Variants in SDHA observed in about 807,000 individuals in gnomAD.
The protein encoded by SDHA is succinate dehydrogenase complex flavoprotein subunit A.
In SDHA, 48 loss-of-function variants were observed where a neutral mutation model predicts 78.4. That is an observed-to-expected ratio of 0.61 (90% CI 0.49 to 0.78). SDHA has a LOEUF of 0.78. Ranked by LOEUF, SDHA falls within the 30% of genes least tolerant of loss-of-function variation. The pLI is 0.00. For missense variants in SDHA, 680 were observed against 892.7 expected, an observed-to-expected ratio of 0.76 and a Z score of 3.04; for synonymous variants, 326 against 353.9, an observed-to-expected ratio of 0.92 and a Z score of 0.88.
intron 5 of SDHA, among the ~76,000 whole-genome samples, chr5:227,004 G>GT (rs1560988733): frequency 1.3e-5 from 2 of 150,818 alleles, no homozygotes; most frequent in Non-Finnish European, 3.0e-5. Flanking sequence ...GATTGGTTTT[G>GT]TTTGTTTTGT....
At chr5:242,441 A>G (rs1736201067) in intron 11 of SDHA, among the ~76,000 whole-genome samples, 1 of 152,214 alleles carries the variant, frequency 6.6e-6, no homozygotes, top group Non-Finnish European at 1.5e-5. Context: ...GCCAGAGCCC[A>G]TACCTTTGTT....
At chr5:255,171 A>AGCGTCCTGGGAACAGCCAGCCGAG (rs1554002674) in intron 14 of SDHA, among the ~76,000 whole-genome samples, 81 of 150,870 alleles carry the variant, frequency 5.4e-4, no homozygotes, top group African/African-American at 1.4e-3. Context: ...ACACAAGCAC[A>AGCGTCCTGGGAACAGCCAGCCGAG]GTTCACCTGT....
chr5:239,015 A>G (rs1579414559), intron 10 of SDHA, among the ~76,000 whole-genome samples: 2 of 151,570 alleles, frequency 1.3e-5, no homozygotes, highest in Admixed American at 1.3e-4. Flanking sequence ...AAAAAAGTCA[A>G]TTTTACTGAA....
intron 11 of SDHA, among the ~76,000 whole-genome samples, chr5:246,567 G>C (rs1736477086): frequency 1.3e-5 from 2 of 152,254 alleles, no homozygotes; most frequent in Non-Finnish European, 2.9e-5. Flanking sequence ...TTCCAGAGAA[G>C]GCTCTAGATT....
chr5:234,703 T>G, intron 8 of SDHA: 1 of 246,946 alleles, frequency 4.0e-6, no homozygotes, highest in Non-Finnish European at 8.0e-6. Context: ...TGATTTAAAG[T>G]ATAGAGGAGG....
intron 1 of SDHA, 107 bp downstream of exon 1, chr5:218,525 C>T (rs1211659445): frequency 9.2e-6 from 8 of 870,682 alleles, no homozygotes; most frequent in Admixed American, 4.4e-5. Flanking sequence ...GGTCCCTGCG[C>T]CCTCTGTCCC....
intron 10 of SDHA, among the ~76,000 whole-genome samples, chr5:237,808 G>A (rs1324846613): frequency 7.3e-6 from 1 of 137,166 alleles, no homozygotes; most frequent in Non-Finnish European, 1.5e-5. Flanking sequence ...GTATTAAAAG[G>A]GTAGCTTACT....
At chr5:224,761 G>A (rs2126544344) in intron 3 of SDHA, 1 of 561,130 alleles carries the variant, frequency 1.8e-6, no homozygotes, top group East Asian at 3.1e-5. Flanking sequence ...GGTTTTCTCT[G>A]ACCATCTTGC....
intron 4 of SDHA, 80 bp downstream of exon 4, chr5:225,642 A>G: frequency 6.3e-7 from 1 of 1,598,672 alleles, no homozygotes; most frequent in South Asian, 1.1e-5. Context: ...TAAGCAATTG[A>G]GGCGGATGTG....
chr5:247,215 A>G (rs1356770689), intron 11 of SDHA, among the ~76,000 whole-genome samples: 1 of 152,210 alleles, frequency 6.6e-6, no homozygotes, highest in Non-Finnish European at 1.5e-5. Flanking sequence ...TATTAATGTG[A>G]TTTCTGGTTC....
chr5:228,854 G>A (rs1357096853), intron 6 of SDHA, among the ~76,000 whole-genome samples: 1 of 151,952 alleles, frequency 6.6e-6, no homozygotes, highest in Non-Finnish European at 1.5e-5. Flanking sequence ...CAAACCATAT[G>A]TGTAATAATA....
At chr5:251,302 C>T (rs988630913) in intron 12 of SDHA, 36 bp from the exon 13 acceptor site, 1 of 1,604,140 alleles carries the variant, frequency 6.2e-7, no homozygotes, top group Non-Finnish European at 8.5e-7. Flanking sequence ...GTGACTGGGT[C>T]CCGCCTGCCC....
At chr5:241,090 C>T (rs1324246406) in intron 11 of SDHA, among the ~76,000 whole-genome samples, 7 of 152,098 alleles carry the variant, frequency 4.6e-5, no homozygotes, top group Non-Finnish European at 1.0e-4. Context: ...AAGTGCACTT[C>T]TTTTCCACAT....
chr5:222,072 A>G (rs1395738759), intron 1 of SDHA, among the ~76,000 whole-genome samples: 1 of 152,224 alleles, frequency 6.6e-6, no homozygotes, highest in Admixed American at 6.5e-5. Context: ...TATTAAAATT[A>G]TTTCAAAGAC....
At chr5:258,994 C>G (rs71597618), downstream of SDHA, among the ~76,000 whole-genome samples, 23 of 22,342 alleles carry the variant, frequency 1.0e-3, no homozygotes, top group South Asian at 4.2e-3. Context: ...CCTCCCGTCA[C>G]AGCATTACCG....
chr5:262,126 G>A, the SDHA span, among the ~76,000 whole-genome samples: 1 of 73,018 alleles, frequency 1.4e-5, no homozygotes, highest in East Asian at 2.8e-4. Flanking sequence ...TCCGCCTCCC[G>A]GCAGAGCATT....
rs191787015 is a variant in SDHA, at chr5:236,816, T to G, written c.1432+217T>G. Among the ~76,000 whole-genome samples, 1,448 of 151,722 alleles carry G rather than the reference T, an allele frequency of 9.5e-3. 15 individuals are homozygous for G. The highest frequency in any genetic ancestry group is 0.012 in the Non-Finnish European group (785 of 67,986). On this transcript the variant is annotated intron_variant, in intron 10 of 14. Transcript: ENST00000264932. ...GTGCACCACCACACCTGGCTAATTT[T>G]TAAAAAAATTTATTTTGTAGAGACA... is the stretch of plus-strand genomic sequence containing the variant.
chr5:232,750 G>A (rs527774836), intron 7 of SDHA, among the ~76,000 whole-genome samples: 9 of 152,306 alleles, frequency 5.9e-5, no homozygotes, highest in South Asian at 4.1e-4. Context: ...TGTAGCTTTC[G>A]AAATACATTT....
chr5:233,834 C>T (rs1485223932), intron 8 of SDHA, 189 bp downstream of exon 8: 6 of 578,648 alleles, frequency 1.0e-5, no homozygotes, highest in Non-Finnish European at 1.9e-5. Context: ...AAATTTTAGC[C>T]AGTTTCTTTC....
Sources: allele counts gnomAD v4.1 joint callset (sites outside exome capture counted in the v4.1 genomes callset), GRCh38; gene constraint gnomAD v4.1.1; transcripts MANE v1.5; gene names NCBI Gene and HGNC (gene_info 2026-07-23, HGNC 2026-07-21).